Variants in PHLPP1 observed in about 807,000 individuals in gnomAD.
PHLPP1 encodes the protein PH domain and leucine rich repeat protein phosphatase 1.
In PHLPP1, 42 loss-of-function variants were observed where a neutral mutation model predicts 117.2. That is an observed-to-expected ratio of 0.36 (90% CI 0.28 to 0.46). The LOEUF (loss-of-function observed/expected upper bound fraction) is 0.46, where lower values mean the gene tolerates loss of function less well. Ranked by LOEUF, PHLPP1 falls within the 20% of genes least tolerant of loss-of-function variation. The pLI is 1.00. For synonymous variants in PHLPP1, 1,042 were observed against 970.7 expected (o/e 1.07, Z -1.37); for missense variants, 2,084 against 2,241.9 (o/e 0.93, Z 1.42).
intron 4 of PHLPP1, among the ~76,000 whole-genome samples, chr18:62,882,937 A>C (rs1555679441): frequency 1.3e-5 from 2 of 148,504 alleles, no homozygotes; most frequent in Non-Finnish European, 3.0e-5. Flanking sequence ...AGAGAGCAAG[A>C]CCACATCTTA....
At chr18:62,722,697 T>C (rs1343752667) in intron 1 of PHLPP1, among the ~76,000 whole-genome samples, 2 of 152,182 alleles carry the variant, frequency 1.3e-5, no homozygotes, top group Admixed American at 6.5e-5. Flanking sequence ...TCATTAGATA[T>C]ATTAGATATT....
chr18:62,925,566 G>A (rs892773775), intron 10 of PHLPP1, among the ~76,000 whole-genome samples: 12 of 151,228 alleles, frequency 7.9e-5, no homozygotes, highest in Non-Finnish European at 1.6e-4. Context: ...AGAAAATTTA[G>A]AAGAGCATGA....
intron 4 of PHLPP1, among the ~76,000 whole-genome samples, chr18:62,881,062 T>G (rs1916162368): frequency 6.6e-6 from 1 of 152,160 alleles, no homozygotes; most frequent in South Asian, 2.1e-4. Flanking sequence ...TTTTGTTTGT[T>G]TGTTTGAATT....
chr18:62,920,379 G>A (rs1284149307), intron 10 of PHLPP1, among the ~76,000 whole-genome samples: 1 of 152,174 alleles, frequency 6.6e-6, no homozygotes, highest in Non-Finnish European at 1.5e-5. Context: ...GGATGTAGGT[G>A]TAAAACAAGG....
chr18:62,901,518 C>A (rs1436925005), intron 6 of PHLPP1, among the ~76,000 whole-genome samples: 1 of 151,978 alleles, frequency 6.6e-6, no homozygotes, highest in African/African-American at 2.4e-5. Context: ...GGATATTATT[C>A]TTAATTCATT....
In PHLPP1 at chr18:62,715,713, G is replaced by A. The variant is rs1910696752; in HGVS notation, c.30G>A (p.Gln10=). The change falls in exon 1 of 17, where the codon CAG becomes CAA. Residue 10 remains glutamine (Q), a synonymous_variant. Coordinates refer to ENST00000262719, the MANE Select transcript of PHLPP1 (RefSeq NM_194449.4). ...AGCCCGCCGCCGCGGCCACGGTACA[G>A]CGACTCCCCGAGCTCGGCAGGGAGG... MEPAAAATV[Q]RLPELGREDR... is the part of the protein sequence containing the mutation. 1 of 1,275,044 alleles carries A rather than the reference G, an allele frequency of 7.8e-7. No homozygotes were observed. Among genetic ancestry groups the A allele is most frequent in the Non-Finnish European group, 9.9e-7 (1 of 1,006,672 alleles). The allele number at this position is 1,275,044 out of a possible 1,614,324, so 79.0% of individuals were successfully genotyped here. A position where few individuals can be genotyped will look rare whatever the true frequency, so the allele number is the denominator to read the frequency against.
chr18:62,844,582 T>C (rs1290343632), intron 3 of PHLPP1, among the ~76,000 whole-genome samples: 1 of 152,224 alleles, frequency 6.6e-6, no homozygotes, highest in Non-Finnish European at 1.5e-5. Flanking sequence ...TCTGGATTAT[T>C]ACAAAGCAAA....
Position 62,975,544 on chromosome 18 carries a change from G to T in PHLPP1, c.3903G>T (p.Pro1301=), listed in dbSNP as rs376362287. 24 of 1,613,788 alleles carry T rather than the reference G, an allele frequency of 1.5e-5. No homozygotes were observed. Among genetic ancestry groups the T allele is most frequent in the Non-Finnish European group, 1.9e-5 (22 of 1,179,784 alleles). The change falls in exon 16 of 17, where the codon CCG becomes CCT. Residue 1301 remains proline, a synonymous_variant. Coordinates refer to ENST00000262719, the MANE Select transcript of PHLPP1 (RefSeq NM_194449.4). ...CQTVLCRNGK[P]LPLSRSYIMS... is the part of the protein sequence containing the mutation. ...CAGTTCTCTGTCGAAATGGAAAGCC[G>T]CTGCCTCTGTCCAGATCTTACATCA... is the stretch of plus-strand genomic sequence containing the variant.
chr18:62,734,178 A>G (rs1345842472), intron 1 of PHLPP1, among the ~76,000 whole-genome samples: 1 of 152,072 alleles, frequency 6.6e-6, no homozygotes, highest in Non-Finnish European at 1.5e-5. Flanking sequence ...GTTGATGGGA[A>G]GTGCTGTTTA....
intron 1 of PHLPP1, among the ~76,000 whole-genome samples, chr18:62,766,102 T>TATATATATATATATATATATATATAA (rs1491446982): frequency 1.3e-4 from 8 of 60,678 alleles, no homozygotes; most frequent in East Asian, 5.9e-4. Flanking sequence ...TATATATATA[T>TATATATATATATATATATATATATAA]AAAATATATA....
At position 62,916,605 on chromosome 18, in the gene PHLPP1, G is replaced by GGTGTGTGTGTGT. The variant is rs71340133; in HGVS notation, c.2804+1612_2804+1623dup. ...AGCCATCACCATTAACAAGAGGGTG[G>GGTGTGTGTGTGT]GTGTGTGTGTGTGTGTGTGTGTGTG... On this transcript the variant is annotated intron_variant, in intron 9 of 16. Transcript: ENST00000262719. Among the ~76,000 whole-genome samples the GGTGTGTGTGTGT allele has an allele frequency of 1.9e-3, 271 of 145,834 alleles. 2 individuals carry two copies. The highest frequency in any genetic ancestry group is 6.4e-3 in the African/African-American group (253 of 39,628).
rs1284271913 is a variant in PHLPP1, at chr18:62,903,173, A to G, written c.2647+7A>G. 6.3e-7 allele frequency: 1 copy of G among 1,582,954 alleles called. No individual in the cohort carries two copies. Among genetic ancestry groups the G allele is most frequent in the Non-Finnish European group, 8.7e-7 (1 of 1,154,554 alleles). On this transcript the variant is annotated splice_region_variant and intron_variant, in intron 7 of 16. Coordinates refer to ENST00000262719, the MANE Select transcript of PHLPP1 (RefSeq NM_194449.4). Reference sequence around the variant, plus strand: ...CTCTATGCCTCTTCTAATGGTATGTATCATAGGCTACATCAAAGTTGCTCT... The same window carrying G: ...CTCTATGCCTCTTCTAATGGTATGTGTCATAGGCTACATCAAAGTTGCTCT...
chr18:62,814,880 G>T (rs1385647658), intron 1 of PHLPP1, among the ~76,000 whole-genome samples: 1 of 152,148 alleles, frequency 6.6e-6, no homozygotes, highest in Non-Finnish European at 1.5e-5. Context: ...TCAGTAAATA[G>T]AATTATGTGA....
At chr18:62,913,725 A>T (rs1356881540) in intron 8 of PHLPP1, among the ~76,000 whole-genome samples, 2 of 143,544 alleles carry the variant, frequency 1.4e-5, no homozygotes, top group African/African-American at 5.2e-5. Flanking sequence ...CCATTAGTTT[A>T]GTTCTCTCTC....
chr18:62,829,681 G>A (rs996567195), intron 1 of PHLPP1, among the ~76,000 whole-genome samples: 37 of 152,286 alleles, frequency 2.4e-4, no homozygotes, highest in Non-Finnish European at 4.6e-4. Flanking sequence ...GAACCTGGGA[G>A]GCAGAGGTTG....
chr18:62,757,486 C>T (rs938717727), intron 1 of PHLPP1, among the ~76,000 whole-genome samples: 13 of 152,188 alleles, frequency 8.5e-5, no homozygotes, highest in African/African-American at 1.2e-4. Flanking sequence ...TGGGATACTT[C>T]TACCCATTTG....
intron 1 of PHLPP1, among the ~76,000 whole-genome samples, chr18:62,780,810 T>C (rs1190586049): frequency 6.6e-6 from 1 of 152,252 alleles, no homozygotes; most frequent in Non-Finnish European, 1.5e-5. Context: ...TCTTCCTTAC[T>C]GTATACTGAT....
intron 1 of PHLPP1, among the ~76,000 whole-genome samples, chr18:62,791,739 T>C (rs1301228166): frequency 6.6e-6 from 1 of 152,212 alleles, no homozygotes; most frequent in Non-Finnish European, 1.5e-5. Flanking sequence ...AGGGAACTTA[T>C]GATATGACTT....
At chr18:62,935,483 T>C (rs1227581473) in intron 10 of PHLPP1, among the ~76,000 whole-genome samples, 1 of 152,214 alleles carries the variant, frequency 6.6e-6, no homozygotes, top group Non-Finnish European at 1.5e-5. Context: ...ATCATGTAAA[T>C]ACCAAAATGC....
Sources: allele counts gnomAD v4.1 joint callset (sites outside exome capture counted in the v4.1 genomes callset), GRCh38; gene constraint gnomAD v4.1.1; transcripts MANE v1.5; gene names NCBI Gene and HGNC (gene_info 2026-07-23, HGNC 2026-07-21).